DNAH9: variants seen among roughly 807,000 people sequenced by gnomAD.
DNAH9 encodes the protein DNAH9 variant protein.
DNAH9 carries 345 observed loss-of-function variants against 471.6 expected under a neutral mutation model. That is an observed-to-expected ratio of 0.73 (90% CI 0.67 to 0.80). DNAH9 has a LOEUF of 0.80. Among genes scored for constraint, DNAH9 ranks in the 30% least tolerant of loss-of-function variants. The probability of loss-of-function intolerance (pLI) is 0.00; values close to 1 mark genes in which losing one functional copy is unlikely to be tolerated. For missense variants in DNAH9, 5,407 were observed against 5,609.2 expected, an observed-to-expected ratio of 0.96 and a Z score of 1.15; for synonymous variants, 2,093 against 2,123.6, an observed-to-expected ratio of 0.99 and a Z score of 0.40.
intron 6 of DNAH9, among the ~76,000 whole-genome samples, chr17:11,625,868 G>C (rs79630902): frequency 6.6e-6 from 1 of 152,132 alleles, no homozygotes; most frequent in Non-Finnish European, 1.5e-5. Context: ...CCATTAACCC[G>C]ATCTAATGAC....
chr17:11,827,028 T>C lies in DNAH9; in HGVS notation c.9246+3994T>C, dbSNP rs562687020. Among the ~76,000 whole-genome samples the C allele has an allele frequency of 3.3e-5, 5 of 152,168 alleles. No homozygotes were observed. The East Asian group carries it at 5.8e-4, about 18-fold the overall frequency. ...TTAGTAGAGATGGGGTTTCACCATG[T>C]TGGCCAGGATTGTCTCAATCTCTTA... On this transcript the variant is annotated intron_variant, in intron 48 of 68. Transcript: ENST00000262442.
At chr17:11,650,485 C>G (rs1357586426) in intron 12 of DNAH9, among the ~76,000 whole-genome samples, 1 of 152,192 alleles carries the variant, frequency 6.6e-6, no homozygotes, top group Non-Finnish European at 1.5e-5. Flanking sequence ...ATTTCCTGAA[C>G]CCCTAGCATG....
chr17:11,845,716 T>C (rs1181696580), intron 49 of DNAH9, among the ~76,000 whole-genome samples: 2 of 140,432 alleles, frequency 1.4e-5, no homozygotes, highest in African/African-American at 5.5e-5. Context: ...TGTGAGATGG[T>C]ATCTCATTGT....
intron 5 of DNAH9, 66 bp downstream of exon 5, chr17:11,617,688 G>C: frequency 2.6e-6 from 3 of 1,141,762 alleles, no homozygotes; most frequent in Non-Finnish European, 2.6e-6. Flanking sequence ...TCACAGGAGA[G>C]AAGAGACAAG....
At chr17:11,740,214 T>C (rs1377019406) in intron 29 of DNAH9, among the ~76,000 whole-genome samples, 3 of 152,260 alleles carry the variant, frequency 2.0e-5, no homozygotes, top group African/African-American at 7.2e-5. Flanking sequence ...ATTATAGAAG[T>C]AGGTGATCAC....
At chr17:11,906,206 A>C (rs1354431200) in intron 61 of DNAH9, among the ~76,000 whole-genome samples, 1 of 152,166 alleles carries the variant, frequency 6.6e-6, no homozygotes. Context: ...TTATATACCC[A>C]AAGGAATAGA....
chr17:11,733,617 C>T (rs562469013), intron 28 of DNAH9, among the ~76,000 whole-genome samples: 11 of 152,158 alleles, frequency 7.2e-5, no homozygotes, highest in African/African-American at 2.2e-4. Context: ...TTTGGGAGGC[C>T]GAGGTGGGCA....
intron 36 of DNAH9, among the ~76,000 whole-genome samples, chr17:11,764,627 C>T (rs1438865237): frequency 6.6e-6 from 1 of 151,968 alleles, no homozygotes; most frequent in South Asian, 2.1e-4. Flanking sequence ...CAGATTTGTT[C>T]TTCTGTGCCT....
chr17:11,824,704 C>T (rs894962253), intron 48 of DNAH9, among the ~76,000 whole-genome samples: 2 of 152,134 alleles, frequency 1.3e-5, no homozygotes, highest in African/African-American at 4.8e-5. Flanking sequence ...TTCCTAACAA[C>T]CCTTTCGCAT....
At chr17:11,704,534 T>C in intron 25 of DNAH9, 92 bp downstream of exon 25, 2 of 1,291,382 alleles carry the variant, frequency 1.5e-6, no homozygotes, top group Non-Finnish European at 1.1e-6. Context: ...CCAGGGTCTG[T>C]ACAGCACTGA....
At chr17:11,777,926 G>A (rs981548996) in intron 38 of DNAH9, among the ~76,000 whole-genome samples, 3 of 152,144 alleles carry the variant, frequency 2.0e-5, no homozygotes, top group Non-Finnish European at 4.4e-5. Flanking sequence ...TAATGAAATT[G>A]AAGGGGATGG....
intron 63 of DNAH9, 145 bp downstream of exon 63, chr17:11,930,238 C>T (rs977723173): frequency 4.1e-5 from 29 of 706,406 alleles, no homozygotes; most frequent in African/African-American, 3.8e-4. Context: ...AATGTTCCCA[C>T]CTGATGCCCA....
chr17:11,677,433 T>A (rs2074065799), intron 17 of DNAH9, among the ~76,000 whole-genome samples: 1 of 152,220 alleles, frequency 6.6e-6, no homozygotes, highest in African/African-American at 2.4e-5. Context: ...TACTAAAGTA[T>A]GTTTTGTCTT....
Position 11,933,868 on chromosome 17 carries a change from C to G in DNAH9, c.12298-12C>G. On this transcript the variant is annotated splice_polypyrimidine_tract_variant and intron_variant, in intron 64 of 68. Coordinates refer to ENST00000262442, the MANE Select transcript of DNAH9 (RefSeq NM_001372.4). ...TTTCTTCCTTCCTCTCTTTCTTTCC[C>G]CCATCACTCAGGTCCCCTATGATGA... The G allele has an allele frequency of 1.2e-6, 2 of 1,602,032 alleles. No individual in the cohort carries two copies. The highest frequency in any genetic ancestry group is 8.5e-7 in the Non-Finnish European group (1 of 1,172,310).
rs1444179387 is a variant in DNAH9 at position 11,932,778 on chromosome 17, TC to T, written c.12297+576del. 6.6e-6 allele frequency among the ~76,000 whole-genome samples: 1 copy of T among 152,104 alleles called. No homozygotes were observed. Among genetic ancestry groups the T allele is most frequent in the Admixed American group, 6.5e-5 (1 of 15,268 alleles). On this transcript the variant is annotated intron_variant, in intron 64 of 68. Coordinates refer to ENST00000262442, the MANE Select transcript of DNAH9 (RefSeq NM_001372.4). The surrounding 1 kb of genome is among the most constrained non-coding windows in gnomAD (Gnocchi z 4.3). ...AGTGAGTCAGTCCCATGAGAGTTTG[TC>T]CCGGGCCCCACCAGACCATACCTAT...
chr17:11,924,939 C>G (rs1482923143), intron 62 of DNAH9, among the ~76,000 whole-genome samples: 1 of 152,106 alleles, frequency 6.6e-6, no homozygotes, highest in Non-Finnish European at 1.5e-5. Context: ...ACTACTAACT[C>G]TTACATAGCA....
intron 36 of DNAH9, among the ~76,000 whole-genome samples, chr17:11,766,968 CAAAA>C (rs57248598): frequency 7.2e-6 from 1 of 139,608 alleles, no homozygotes; most frequent in African/African-American, 2.7e-5. Context: ...GACTCTGTCT[CAAAA>C]AAAAAAAAAA....
intron 62 of DNAH9, among the ~76,000 whole-genome samples, chr17:11,927,087 C>T (rs1974355436): frequency 6.6e-6 from 1 of 151,768 alleles, no homozygotes. Context: ...ATGTTCTTTG[C>T]CCATTTTTTA....
At chr17:11,790,911 G>A (rs956756964) in intron 41 of DNAH9, among the ~76,000 whole-genome samples, 1 of 151,978 alleles carries the variant, frequency 6.6e-6, no homozygotes, top group African/African-American at 2.4e-5. Flanking sequence ...CAAGGATCTT[G>A]GGACAATTTA....
Sources: allele counts gnomAD v4.1 joint callset (sites outside exome capture counted in the v4.1 genomes callset), GRCh38; gene constraint gnomAD v4.1.1; non-coding constraint Gnocchi (gnomAD v3.1); transcripts MANE v1.5; gene names NCBI Gene and HGNC (gene_info 2026-07-23, HGNC 2026-07-21).